SNX29: variants seen among roughly 807,000 people sequenced by gnomAD.
SNX29 encodes the protein sorting nexin-29.
In SNX29, 78 loss-of-function variants were observed where a neutral mutation model predicts 102.1. That is an observed-to-expected ratio of 0.76 (90% CI 0.64 to 0.92). The LOEUF is 0.92. SNX29 is among the 40% of genes least tolerant of loss of function. SNX29 has a pLI of 0.00. For synonymous variants in SNX29, 580 were observed against 414.5 expected (o/e 1.40, Z -4.85); for missense variants, 1,280 against 1,061.7 (o/e 1.21, Z -2.86).
At chr16:12,366,473 C>A (rs1423014637) in intron 16 of SNX29, among the ~76,000 whole-genome samples, 3 of 152,224 alleles carry the variant, frequency 2.0e-5, no homozygotes, top group African/African-American at 4.8e-5. Context: ...TGCCTTATCT[C>A]ATGAGCCTGC....
At chr16:12,186,365 A>G (rs796511917) in intron 13 of SNX29, among the ~76,000 whole-genome samples, 18 of 152,332 alleles carry the variant, frequency 1.2e-4, no homozygotes, top group African/African-American at 3.8e-4. Flanking sequence ...ATCTGTATCT[A>G]TATCTCTGTG....
chr16:12,446,076 G>A, intron 18 of SNX29, among the ~76,000 whole-genome samples: 1 of 112,488 alleles, frequency 8.9e-6, no homozygotes. Context: ...TTTTTTTTGA[G>A]ACAGAGCCTT....
At chr16:12,008,223 C>T (rs1433147493) in intron 3 of SNX29, among the ~76,000 whole-genome samples, 3 of 151,950 alleles carry the variant, frequency 2.0e-5, no homozygotes, top group African/African-American at 7.3e-5. Context: ...GGATTACAGG[C>T]GTGAGCCACT....
rs537726004 is a variant in SNX29 at position 12,362,511 on chromosome 16, G to A, written c.1899+6232G>A. On this transcript the variant is annotated intron_variant, in intron 16 of 20. Coordinates refer to ENST00000566228, the MANE Select transcript of SNX29 (RefSeq NM_032167.5). ...CAAATTAAGTATTTTCCCTTTTTAT[G>A]AATTTGACAACTGAGTTGCAGAAGG... Among the ~76,000 whole-genome samples the A allele has an allele frequency of 4.8e-3, 657 of 137,984 alleles. 2 individuals carry two copies. Among genetic ancestry groups the A allele is most frequent in the South Asian group, 0.018 (81 of 4,426 alleles). 90.5% of individuals were successfully genotyped at this position (137,984 alleles called of 152,430 possible). A position where few individuals can be genotyped will look rare whatever the true frequency, so the allele number is the denominator to read the frequency against.
At chr16:12,542,707 C>T (rs962780383) in intron 20 of SNX29, among the ~76,000 whole-genome samples, 3 of 151,690 alleles carry the variant, frequency 2.0e-5, no homozygotes, top group African/African-American at 7.3e-5. Flanking sequence ...TGGTGTTGGT[C>T]CCAGTCTTTT....
chr16:12,300,472 T>C (rs905749687), intron 15 of SNX29, among the ~76,000 whole-genome samples: 5 of 152,230 alleles, frequency 3.3e-5, no homozygotes, highest in African/African-American at 4.8e-5. Context: ...TTTGGCATTG[T>C]GTTTTGCCTT....
chr16:12,537,893 G>C (rs1202883522), intron 20 of SNX29, among the ~76,000 whole-genome samples: 1 of 151,822 alleles, frequency 6.6e-6, no homozygotes, highest in Non-Finnish European at 1.5e-5. Context: ...GCTAAGGCAG[G>C]AGAGTCACTG....
intron 19 of SNX29, among the ~76,000 whole-genome samples, chr16:12,486,646 T>C (rs1167828962): frequency 2.6e-5 from 4 of 152,252 alleles, no homozygotes; most frequent in Non-Finnish European, 4.4e-5. Flanking sequence ...TCCTGGAGGC[T>C]GGACGGGCAG....
In SNX29 at chr16:12,098,177, C is replaced by G. The variant is rs945047678; in HGVS notation, c.1402+19262C>G. ...AGCAGTTCTAACCCTTCCCCTGCCC[C>G]CTCCTTCAACTCCTTTTCCTCCTCC... On this transcript the variant is annotated intron_variant, in intron 11 of 20. Coordinates refer to ENST00000566228, the MANE Select transcript of SNX29 (RefSeq NM_032167.5). This position sits in a 1 kb window ranked among gnomAD's most constrained non-coding sequence, Gnocchi z 6.0. Among the ~76,000 whole-genome samples the G allele has an allele frequency of 6.6e-5, 10 of 152,202 alleles. No individual in the cohort carries two copies. The highest frequency in any genetic ancestry group is 5.8e-4 in the East Asian group (3 of 5,200).
intron 16 of SNX29, among the ~76,000 whole-genome samples, chr16:12,357,146 T>A (rs756094820): frequency 6.6e-6 from 1 of 152,210 alleles, no homozygotes; most frequent in Non-Finnish European, 1.5e-5. Flanking sequence ...TACAACTTCT[T>A]TATTATGTAA....
chr16:12,194,045 T>C (rs1477106691), intron 13 of SNX29, among the ~76,000 whole-genome samples: 1 of 152,242 alleles, frequency 6.6e-6, no homozygotes, highest in African/African-American at 2.4e-5. Context: ...GGGATTTTGA[T>C]TGGGCTTTCA....
At chr16:12,505,486 G>T (rs529194004) in intron 19 of SNX29, among the ~76,000 whole-genome samples, 5 of 152,056 alleles carry the variant, frequency 3.3e-5, no homozygotes, top group Non-Finnish European at 7.4e-5. Flanking sequence ...ACATCCTTAT[G>T]CCAGTTCCTT....
intron 20 of SNX29, among the ~76,000 whole-genome samples, chr16:12,542,076 C>T (rs747165759): frequency 2.6e-5 from 4 of 151,968 alleles, no homozygotes; most frequent in African/African-American, 7.3e-5. Flanking sequence ...CCAGTTAGTC[C>T]AAATCCTGCA....
rs556725472 is a variant in SNX29, at chr16:12,570,095, C to T, written c.*1466C>T. 1 of 942,930 alleles carries T rather than the reference C, an allele frequency of 1.1e-6. No individual in the cohort carries two copies. The highest frequency in any genetic ancestry group is 5.1e-5 in the South Asian group (1 of 19,716). The allele number at this position is 942,930 out of a possible 1,614,324, so 58.4% of individuals were successfully genotyped here. A position where few individuals can be genotyped will look rare whatever the true frequency, so the allele number is the denominator to read the frequency against. The stretch of plus-strand genomic sequence containing the variant: ...TGGAAGGTTTATACTGTGCCTTCCC[C>T]TCGTAGCAAAAAGGAAGATTGTTCA... On this transcript the variant is annotated 3_prime_UTR_variant, in exon 21 of 21. Transcript: ENST00000566228.
At chr16:12,218,818 A>G (rs981028903) in intron 14 of SNX29, among the ~76,000 whole-genome samples, 1 of 152,098 alleles carries the variant, frequency 6.6e-6, no homozygotes, top group East Asian at 1.9e-4. Context: ...TTTGTTGCCC[A>G]GTCTGGAGTG....
intron 20 of SNX29, among the ~76,000 whole-genome samples, chr16:12,531,448 C>T (rs1350156253): frequency 6.6e-6 from 1 of 152,144 alleles, no homozygotes; most frequent in Non-Finnish European, 1.5e-5. Context: ...ACCCAGATGG[C>T]CAAGAGGAAA....
intron 13 of SNX29, among the ~76,000 whole-genome samples, chr16:12,130,287 T>C (rs1480479838): frequency 4.0e-5 from 6 of 150,714 alleles, no homozygotes. Flanking sequence ...CCATCCTGGC[T>C]AACACGGTGA....
chr16:12,105,211 C>CCCTCCCTCCCTTCCTTCCTTCCTT (rs1567210142), intron 11 of SNX29, among the ~76,000 whole-genome samples: 2 of 85,306 alleles, frequency 2.3e-5, no homozygotes, highest in African/African-American at 6.7e-5. Context: ...CTTCCTCCCT[C>CCCTCCCTCCCTTCCTTCCTTCCTT]CCTCCCTCCC....
intron 20 of SNX29, among the ~76,000 whole-genome samples, chr16:12,547,301 A>G (rs1337083592): frequency 6.6e-6 from 1 of 152,192 alleles, no homozygotes; most frequent in African/African-American, 2.4e-5. Context: ...ACAGCAAGGA[A>G]GCCAGGGTAG....
Sources: gnomAD v4.1 joint callset for allele counts (sites outside exome capture counted in the v4.1 genomes callset) on GRCh38, gnomAD v4.1.1 for gene constraint, Gnocchi (gnomAD v3.1) non-coding constraint, MANE v1.5 for transcripts, NCBI Gene and HGNC (gene_info 2026-07-23, HGNC 2026-07-21) for gene names.